The following KANK1 variants were observed in gnomAD, a reference collection of about 807,000 sequenced individuals.
The protein encoded by KANK1 is KN motif and ankyrin repeat domains 1, also known as KN motif and ankyrin repeat domain-containing protein 1.
Under a neutral mutation model 106.2 loss-of-function variants are expected in KANK1, and 109 were observed. That is an observed-to-expected ratio of 1.03 (90% CI 0.88 to 1.20). KANK1 has a LOEUF of 1.20. Ranked by LOEUF, KANK1 falls within the 50% of genes most tolerant of loss-of-function variation. The pLI is 0.00. For missense variants in KANK1, 2,399 were observed against 1,710.7 expected (o/e 1.40, Z -7.10); for synonymous variants, 873 against 652.2 (o/e 1.34, Z -5.16).
At chr9:637,929 ACT>A (rs1422094858) in intron 1 of KANK1, among the ~76,000 whole-genome samples, 2 of 151,980 alleles carry the variant, frequency 1.3e-5, no homozygotes, top group African/African-American at 4.8e-5. Context: ...ACCATCAGAG[ACT>A]CTGGTTCCTA....
At chr9:572,617 C>G (rs1182461414) in intron 1 of KANK1, among the ~76,000 whole-genome samples, 1 of 152,036 alleles carries the variant, frequency 6.6e-6, no homozygotes, top group African/African-American at 2.4e-5. Context: ...TCTTGAATTC[C>G]TGGCCTCAGG....
At chr9:566,035 G>A (rs181264138) in intron 1 of KANK1, among the ~76,000 whole-genome samples, 271 of 152,212 alleles carry the variant, frequency 1.8e-3, no homozygotes, top group African/African-American at 6.2e-3. Flanking sequence ...CCCTCCATTA[G>A]GCTGCAGTGT....
intron 1 of KANK1, among the ~76,000 whole-genome samples, chr9:512,443 T>C (rs1485231746): frequency 6.6e-6 from 1 of 152,024 alleles, no homozygotes; most frequent in Admixed American, 6.5e-5. Flanking sequence ...TTCATACCTT[T>C]AGTTGTTTGC....
chr9:548,213 A>G (rs555074276), intron 1 of KANK1, among the ~76,000 whole-genome samples: 67 of 152,350 alleles, frequency 4.4e-4, no homozygotes, highest in African/African-American at 1.5e-3. Context: ...CCTTAGTATC[A>G]GCAGTCATTC....
chr9:508,261 C>T (rs1024811555), intron 1 of KANK1, among the ~76,000 whole-genome samples: 1 of 150,214 alleles, frequency 6.7e-6, no homozygotes, highest in African/African-American at 2.4e-5. Flanking sequence ...CCTCAGCCTC[C>T]TGAGTAGCTG....
At chr9:532,504 C>G (rs965415961) in intron 1 of KANK1, among the ~76,000 whole-genome samples, 1 of 150,932 alleles carries the variant, frequency 6.6e-6, no homozygotes, top group African/African-American at 2.4e-5. Flanking sequence ...AATAGAAACT[C>G]TGCACCCATT....
chr9:742,086 C>T (rs531372670), intron 9 of KANK1, 119 bp from the exon 10 acceptor site: 26 of 845,186 alleles, frequency 3.1e-5, no homozygotes, highest in South Asian at 9.8e-5. Context: ...GTAGTTCCAT[C>T]GCCAGTTCTT....
chr9:688,613 A>T (rs949926305), intron 2 of KANK1, among the ~76,000 whole-genome samples: 6 of 148,100 alleles, frequency 4.1e-5, no homozygotes, highest in Non-Finnish European at 5.9e-5. Flanking sequence ...AAAAAAAAAA[A>T]GAGTGAGAAA....
rs114701225 is a variant in KANK1 at position 737,857 on chromosome 9, C to T, written c.3334-428C>T. Among the ~76,000 whole-genome samples, 424 of 152,324 alleles carry T rather than the reference C, an allele frequency of 2.8e-3. 6 individuals carry two copies. Among genetic ancestry groups the T allele is most frequent in the African/African-American group, 0.01 (421 of 41,558 alleles). ...ATTGTTTGCAAGGCCAGTATGATTACATCATATTAATAGCTTAATAAATGG... is the reference window on the plus strand; with the variant it reads ...ATTGTTTGCAAGGCCAGTATGATTATATCATATTAATAGCTTAATAAATGG... On this transcript the variant is annotated intron_variant, in intron 7 of 11. Coordinates refer to ENST00000382297, the MANE Select transcript of KANK1 (RefSeq NM_015158.5).
At position 610,723 on chromosome 9, in the gene KANK1, A is replaced by G. The variant is rs6477027; in HGVS notation, c.-83-66167A>G. Among the ~76,000 whole-genome samples the G allele has an allele frequency of 9.7e-3, 1,480 of 152,280 alleles. 34 individuals are homozygous for G. The highest frequency in any genetic ancestry group is 0.034 in the African/African-American group (1,422 of 41,522). ...CATTCCAGGAACTGGAGGCATAGCTAGCCTTGGAAAGCTCGGAGGGTTAGT... is the reference window on the plus strand; with the variant it reads ...CATTCCAGGAACTGGAGGCATAGCTGGCCTTGGAAAGCTCGGAGGGTTAGT... On this transcript the variant is annotated intron_variant, in intron 1 of 11. Coordinates refer to ENST00000382297, the MANE Select transcript of KANK1 (RefSeq NM_015158.5).
At chr9:530,379 A>G (rs1182560181) in intron 1 of KANK1, among the ~76,000 whole-genome samples, 5 of 152,120 alleles carry the variant, frequency 3.3e-5, no homozygotes, top group Non-Finnish European at 7.4e-5. Context: ...TAAATTATTT[A>G]TCCATATTGA....
At chr9:660,048 C>A in intron 1 of KANK1, 1 of 385,068 alleles carries the variant, frequency 2.6e-6, no homozygotes, top group Admixed American at 2.7e-5. Context: ...AGGGTGATAC[C>A]TGTCCTGCTG....
chr9:535,681 C>G (rs376081792), intron 1 of KANK1, among the ~76,000 whole-genome samples: 14 of 152,328 alleles, frequency 9.2e-5, no homozygotes, highest in African/African-American at 2.4e-4. Context: ...TGGAGCTCCA[C>G]TTGCTTGGTG....
chr9:618,843 C>G (rs944585685), intron 1 of KANK1, among the ~76,000 whole-genome samples: 6 of 152,160 alleles, frequency 3.9e-5, no homozygotes, highest in Admixed American at 1.3e-4. Flanking sequence ...TAATACCTGT[C>G]TTGAGGCAAA....
At chr9:719,358 C>G (rs1184102490) in intron 3 of KANK1, among the ~76,000 whole-genome samples, 2 of 152,138 alleles carry the variant, frequency 1.3e-5, no homozygotes, top group Non-Finnish European at 2.9e-5. Context: ...TTTGAAAGGA[C>G]TCCATAATGA....
At chr9:565,195 C>A (rs763727372) in intron 1 of KANK1, among the ~76,000 whole-genome samples, 28 of 152,190 alleles carry the variant, frequency 1.8e-4, no homozygotes, top group Non-Finnish European at 3.4e-4. Context: ...TGGAGAACAT[C>A]TATTCCTGTT....
intron 1 of KANK1, among the ~76,000 whole-genome samples, chr9:523,701 G>A (rs1187463520): frequency 6.6e-6 from 1 of 151,546 alleles, no homozygotes; most frequent in African/African-American, 2.4e-5. Context: ...GGAGTGCTCT[G>A]TCCTCACCTC....
Position 636,304 on chromosome 9 carries a change from T to C in KANK1, c.-83-40586T>C, listed in dbSNP as rs371584989. On this transcript the variant is annotated intron_variant, in intron 1 of 11. Coordinates refer to ENST00000382297, the MANE Select transcript of KANK1 (RefSeq NM_015158.5). ...AATTTCAAACTTTTCAGAGCTCTTA[T>C]CCAGACTGCTGCCATATATTACTGC... Among the ~76,000 whole-genome samples, 15 of 152,312 alleles carry C rather than the reference T, an allele frequency of 9.8e-5. 1 individual carries two copies. In the Middle Eastern group the frequency reaches 0.01, roughly 104 times the overall value.
At chr9:668,911 C>G (rs552791659) in intron 1 of KANK1, among the ~76,000 whole-genome samples, 2 of 152,158 alleles carry the variant, frequency 1.3e-5, no homozygotes, top group African/African-American at 4.8e-5. Flanking sequence ...ATAGGGTTTG[C>G]ACTCTTATGA....
Sources: gnomAD v4.1 joint callset for allele counts (sites outside exome capture counted in the v4.1 genomes callset) on GRCh38, gnomAD v4.1.1 for gene constraint, MANE v1.5 for transcripts, NCBI Gene and HGNC (gene_info 2026-07-23, HGNC 2026-07-21) for gene names.